Variants in KRI1 observed in about 807,000 individuals in gnomAD.
KRI1 encodes the protein KRI1 homolog.
In KRI1, 83 loss-of-function variants were observed where a neutral mutation model predicts 97.0. That is an observed-to-expected ratio of 0.86 (90% CI 0.72 to 1.03). The LOEUF is 1.03. Among genes scored for constraint, KRI1 ranks in the 50% least tolerant of loss-of-function variants. KRI1 has a pLI of 0.00. For synonymous variants in KRI1, 371 were observed against 363.5 expected, an observed-to-expected ratio of 1.02 and a Z score of -0.23; for missense variants, 916 against 928.4, an observed-to-expected ratio of 0.99 and a Z score of 0.17.
In KRI1 at chr19:10,565,981, A is replaced by T; in HGVS notation, c.19T>A (p.Ser7Thr). MPEPRG[S>T]SQLRVNAAFA... Reference sequence around the variant, plus strand: ...GCCGCGTTCACCCGCAGCTGCGACGACCCGCGCGGTTCCGGCATGGCGGTT... The same window carrying T: ...GCCGCGTTCACCCGCAGCTGCGACGTCCCGCGCGGTTCCGGCATGGCGGTT... Residue 7 changes from serine to threonine, a missense_variant, in exon 1 of 19, where the codon TCG becomes ACG. Ser to Thr is a moderately conservative substitution (Grantham distance 58). This residue lies in a region of KRI1 where 173 missense variants were observed against 153.1 expected (regional missense o/e 1.13). Transcript: ENST00000312962. 3.3e-6 allele frequency: 5 copies of T among 1,522,430 alleles called. No individual in the cohort carries two copies. The highest frequency in any genetic ancestry group is 4.4e-6 in the Non-Finnish European group (5 of 1,139,608). The allele number at this position is 1,522,430 out of a possible 1,614,324, so 94.3% of individuals were successfully genotyped here. A position where few individuals can be genotyped will look rare whatever the true frequency, so the allele number is the denominator to read the frequency against.
At chr19:10,565,599 T>C in intron 2 of KRI1, 118 bp downstream of exon 2, 2 of 1,284,038 alleles carry the variant, frequency 1.6e-6, no homozygotes, top group Non-Finnish European at 1.0e-6. Flanking sequence ...GAGCGGAGGA[T>C]GGGACGCTCC....
intron 12 of KRI1, 54 bp downstream of exon 12, chr19:10,559,305 A>C: frequency 1.9e-6 from 3 of 1,579,318 alleles, no homozygotes; most frequent in Non-Finnish European, 2.6e-6. Context: ...GTGGCCAGTG[A>C]GAGCCATGTT....
chr19:10,561,335 T>G, intron 6 of KRI1, 70 bp from the exon 7 acceptor site: 2 of 1,402,656 alleles, frequency 1.4e-6, no homozygotes, highest in Non-Finnish European at 2.0e-6. Context: ...GTATTTATTT[T>G]ATTTTGTAGA....
intron 16 of KRI1, among the ~76,000 whole-genome samples, chr19:10,557,046 G>A (rs1191198203): frequency 6.6e-6 from 1 of 151,800 alleles, no homozygotes; most frequent in Non-Finnish European, 1.5e-5. Context: ...CCCCCACCTT[G>A]TAGAAGGTAG....
In KRI1 at chr19:10,553,920, G is replaced by A. The variant is rs1378157331; in HGVS notation, c.*31C>T. The A allele has an allele frequency of 7.9e-6, 12 of 1,514,178 alleles. No homozygotes were observed. The highest frequency in any genetic ancestry group is 1.1e-5 in the Non-Finnish European group (12 of 1,127,896). The allele number at this position is 1,514,178 out of a possible 1,614,324, so 93.8% of individuals were successfully genotyped here. On this transcript the variant is annotated 3_prime_UTR_variant, in exon 19 of 19. Transcript: ENST00000312962. ...TGTCCAGGGCTTGATTTGAGGAGAG[G>A]AGCCTGAGGCCCCTGCCTGCTCCCT...
chr19:10,559,980 G>A (rs770831579), intron 9 of KRI1, 44 bp from the exon 10 acceptor site: 27 of 1,597,912 alleles, frequency 1.7e-5, no homozygotes, highest in Non-Finnish European at 1.7e-5. Flanking sequence ...AGCCAAGTGA[G>A]GTCGAGCCCC....
intron 8 of KRI1, 78 bp downstream of exon 8, chr19:10,560,925 G>C: frequency 9.1e-7 from 1 of 1,098,256 alleles, no homozygotes; most frequent in Non-Finnish European, 1.4e-6. Context: ...CATCTTCAGA[G>C]GGTTACTTTC....
Position 10,553,111 on chromosome 19 carries a change from A to T in KRI1, c.*840T>A, listed in dbSNP as rs767283460. Reference sequence around the variant, plus strand: ...AAGATACAACACTATTTATTTTTTTATTTATGTCATGTCGGGTGTGGGATC... The same window carrying T: ...AAGATACAACACTATTTATTTTTTTTTTTATGTCATGTCGGGTGTGGGATC... On this transcript the variant is annotated 3_prime_UTR_variant, in exon 19 of 19. Coordinates refer to ENST00000312962, the MANE Select transcript of KRI1 (RefSeq NM_023008.5). 7 of 1,533,902 alleles carry T rather than the reference A, an allele frequency of 4.6e-6. No individual in the cohort carries two copies. Among genetic ancestry groups the T allele is most frequent in the Non-Finnish European group, 6.1e-6 (7 of 1,141,658 alleles).
chr19:10,561,836 A>C lies in KRI1; in HGVS notation c.393T>G (p.Val131=), dbSNP rs1380662929. The C allele has an allele frequency of 6.2e-7, 1 of 1,613,514 alleles. No individual in the cohort carries two copies. Among genetic ancestry groups the C allele is most frequent in the Non-Finnish European group, 8.5e-7 (1 of 1,179,826 alleles). ...TCTCCCCGTCTGAGTTCTCCTCATC[A>C]ACATATTTGCTGTAAAGGAAAAGTG... ...KVILEKAGKY[V]DEENSDGETS... The change falls in exon 5 of 19, where the codon GTT becomes GTG. Residue 131 remains valine, a synonymous_variant. Transcript: ENST00000312962.
rs1330923779 is a variant in KRI1 at position 10,554,082 on chromosome 19, T to C, written c.1981A>G (p.Thr661Ala). ...AACTCGCATCCACCAAGCATCACAG[T>C]GGGGCCCAGCAGCCGTGCCTTCTTG... ...RAKKARLLGPTVMLGGCEFSR... is the reference protein window; with the variant it reads ...RAKKARLLGPAVMLGGCEFSR... The change falls in exon 19 of 19, where the codon ACT becomes GCT. Residue 661 changes from threonine to alanine, a missense_variant. Transcript: ENST00000312962. 1.2e-6 allele frequency: 2 copies of C among 1,614,014 alleles called. No homozygotes were observed. The highest frequency in any genetic ancestry group is 2.7e-5 in the African/African-American group (2 of 74,916).
Position 10,555,294 on chromosome 19 carries a change from C to G in KRI1, c.1673G>C (p.Cys558Ser). The G allele has an allele frequency of 6.3e-7, 1 of 1,576,744 alleles. No homozygotes were observed. Among genetic ancestry groups the G allele is most frequent in the African/African-American group, 1.4e-5 (1 of 70,638 alleles). The change falls in exon 17 of 19, where the codon TGC becomes TCC. Residue 558 changes from cysteine to serine, a missense_variant. By Grantham distance (112) the Cys-to-Ser change is moderately radical. Around this residue, in one of 3 missense-constraint regions of KRI1, gnomAD observed 672 missense variants for 667.2 expected, o/e 1.01. Coordinates refer to ENST00000312962, the MANE Select transcript of KRI1 (RefSeq NM_023008.5). ...LNRWCSLKKT[C>S]MYRSEQEELR... The stretch of plus-strand genomic sequence containing the variant: ...CGCCCCGCCCCATCACCTGTACATG[C>G]AGGTCTTCTTTAGGGAGCACCACCG...
chr19:10,560,523 C>T (rs1293978499), intron 8 of KRI1, 75 bp from the exon 9 acceptor site: 29 of 1,098,838 alleles, frequency 2.6e-5, no homozygotes, highest in Non-Finnish European at 3.3e-5. Flanking sequence ...CCACATGGAC[C>T]TCACAGCCAG....
intron 2 of KRI1, 83 bp downstream of exon 2, chr19:10,565,633 GT>G (rs1435231605): frequency 6.8e-7 from 1 of 1,465,776 alleles, no homozygotes; most frequent in Non-Finnish European, 9.0e-7. Context: ...GGGGTTGGGG[GT>G]TCCCCCCCGT....
At chr19:10,558,853 C>T (rs1019690161) in intron 12 of KRI1, among the ~76,000 whole-genome samples, 1 of 151,680 alleles carries the variant, frequency 6.6e-6, no homozygotes, top group Non-Finnish European at 1.5e-5. Context: ...TAGAGGTGCA[C>T]GCCACTACAC....
Position 10,555,152 on chromosome 19 carries a change from C to A in KRI1, c.1716G>T (p.Ala572=), listed in dbSNP as rs142680117. The stretch of plus-strand genomic sequence containing the variant: ...ATGAGTTCTGGGCCTTCTGGCTGTA[C>A]GCCCGCTTGTCCCGCAGCTCCTCCT... ...SEQEELRDKR[A]YSQKAQNSWK... is the part of the protein sequence containing the mutation. Residue 572 remains alanine, a synonymous_variant, in exon 18 of 19, where the codon GCG becomes GCT. Coordinates refer to ENST00000312962, the MANE Select transcript of KRI1 (RefSeq NM_023008.5). 6.2e-7 allele frequency: 1 copy of A among 1,612,716 alleles called. No individual in the cohort carries two copies.
At chr19:10,554,401 C>A in intron 18 of KRI1, 120 bp from the exon 19 acceptor site, 1 of 834,628 alleles carries the variant, frequency 1.2e-6, no homozygotes, top group Non-Finnish European at 1.9e-6. Context: ...CGCACAGCGA[C>A]CGAGGGCCTG....
chr19:10,553,940 C>T lies in KRI1; in HGVS notation c.*11G>A. Reference sequence around the variant, plus strand: ...GAGAGGAGCCTGAGGCCCCTGCCTGCTCCCTGGTGCTCAGGAGCTGTTCTT... The same window carrying T: ...GAGAGGAGCCTGAGGCCCCTGCCTGTTCCCTGGTGCTCAGGAGCTGTTCTT... On this transcript the variant is annotated 3_prime_UTR_variant, in exon 19 of 19. Transcript: ENST00000312962. 1.9e-6 allele frequency: 3 copies of T among 1,572,860 alleles called. No individual in the cohort carries two copies. Among genetic ancestry groups the T allele is most frequent in the Admixed American group, 1.9e-5 (1 of 52,876 alleles).
At chr19:10,562,015 GTT>G (rs749837085) in intron 4 of KRI1, among the ~76,000 whole-genome samples, 170 bp from the exon 5 acceptor site, 8 of 131,722 alleles carry the variant, frequency 6.1e-5, no homozygotes, top group Non-Finnish European at 6.4e-5. Context: ...AGTTTCCAGC[GTT>G]TTTTTTTTTT....
At position 10,555,144 on chromosome 19, in the gene KRI1, T is replaced by C. The variant is rs1395295540; in HGVS notation, c.1724A>G (p.Gln575Arg). 5.6e-6 allele frequency: 9 copies of C among 1,612,268 alleles called. No individual in the cohort carries two copies. The African/African-American group carries it at 8.0e-5, about 14-fold the overall frequency. ...EELRDKRAYSQKAQNSWKKRQ... is the reference protein window; with the variant it reads ...EELRDKRAYSRKAQNSWKKRQ... ...CTTTTTCCATGAGTTCTGGGCCTTC[T>C]GGCTGTACGCCCGCTTGTCCCGCAG... is the stretch of plus-strand genomic sequence containing the variant. Residue 575 changes from glutamine (Q) to arginine (R), a missense_variant, in exon 18 of 19, where the codon CAG (glutamine) becomes CGG (arginine). Around this residue, in one of 3 missense-constraint regions of KRI1, gnomAD observed 672 missense variants for 667.2 expected, o/e 1.01. Transcript: ENST00000312962.
Sources: allele counts gnomAD v4.1 joint callset (sites outside exome capture counted in the v4.1 genomes callset), GRCh38; gene constraint gnomAD v4.1.1; regional missense constraint gnomAD v4.1.1; transcripts MANE v1.5; gene names NCBI Gene and HGNC (gene_info 2026-07-23, HGNC 2026-07-21).